ADAMTS3: variants seen among roughly 807,000 people sequenced by gnomAD.
ADAMTS3 encodes the protein ADAM metallopeptidase with thrombospondin type 1 motif 3, also known as A disintegrin and metalloproteinase with thrombospondin motifs 3.
In ADAMTS3, 73 loss-of-function variants were observed where a neutral mutation model predicts 129.0. The observed-to-expected ratio is 0.57, with a 90% CI of 0.47 to 0.69. ADAMTS3 has a LOEUF of 0.69. Ranked by LOEUF, ADAMTS3 falls within the 30% of genes least tolerant of loss-of-function variation. The pLI is 0.00. For missense variants in ADAMTS3, 1,457 were observed against 1,514.5 expected, an observed-to-expected ratio of 0.96 and a Z score of 0.63; for synonymous variants, 477 against 510.8, an observed-to-expected ratio of 0.93 and a Z score of 0.89.
intron 4 of ADAMTS3, among the ~76,000 whole-genome samples, chr4:72,346,139 T>A (rs568298239): frequency 6.6e-6 from 1 of 152,138 alleles, no homozygotes; most frequent in Non-Finnish European, 1.5e-5. Context: ...AATTCTAGCA[T>A]CAAAGCCATG....
intron 3 of ADAMTS3, among the ~76,000 whole-genome samples, chr4:72,429,857 T>G (rs1211348645): frequency 6.6e-6 from 1 of 152,022 alleles, no homozygotes; most frequent in East Asian, 1.9e-4. Context: ...GACCATATCA[T>G]GGTCAACATC....
At chr4:72,300,100 C>T (rs887951108) in intron 17 of ADAMTS3, among the ~76,000 whole-genome samples, 5 of 152,034 alleles carry the variant, frequency 3.3e-5, no homozygotes, top group African/African-American at 1.2e-4. Context: ...GGCTTTTATT[C>T]TCTTTTTTCT....
chr4:72,347,970 C>T (rs1470803732), intron 4 of ADAMTS3, among the ~76,000 whole-genome samples: 1 of 151,942 alleles, frequency 6.6e-6, no homozygotes, highest in East Asian at 1.9e-4. Flanking sequence ...TCAAACTTCT[C>T]CAGAAACTCT....
chr4:72,372,054 A>G (rs187500020), intron 4 of ADAMTS3, among the ~76,000 whole-genome samples: 4 of 152,268 alleles, frequency 2.6e-5, no homozygotes, highest in African/African-American at 7.2e-5. Flanking sequence ...CACAGTGGAA[A>G]TTAGGAAATA....
intron 18 of ADAMTS3, 129 bp from the exon 19 acceptor site, chr4:72,295,915 G>T: frequency 2.6e-6 from 3 of 1,136,012 alleles, no homozygotes; most frequent in Non-Finnish European, 3.7e-6. Flanking sequence ...ATACAAACCG[G>T]CACTTCAATA....
intron 3 of ADAMTS3, among the ~76,000 whole-genome samples, chr4:72,463,294 C>T (rs762351834): frequency 1.3e-5 from 2 of 151,990 alleles, no homozygotes; most frequent in Non-Finnish European, 2.9e-5. Context: ...CCTAACAACA[C>T]ATTTCTCAGA....
At chr4:72,505,610 C>T (rs1460544625) in intron 3 of ADAMTS3, among the ~76,000 whole-genome samples, 1 of 152,174 alleles carries the variant, frequency 6.6e-6, no homozygotes, top group Non-Finnish European at 1.5e-5. Context: ...TACAGGTCCC[C>T]TGATGGCAGG....
chr4:72,553,337 T>C (rs1234225211), intron 2 of ADAMTS3, among the ~76,000 whole-genome samples: 2 of 152,114 alleles, frequency 1.3e-5, no homozygotes, highest in Non-Finnish European at 2.9e-5. Context: ...CTGTAAGACA[T>C]ACACAGAGCC....
intron 3 of ADAMTS3, among the ~76,000 whole-genome samples, chr4:72,514,491 T>A (rs888213464): frequency 6.6e-6 from 1 of 152,172 alleles, no homozygotes; most frequent in Admixed American, 6.5e-5. Flanking sequence ...AGCTGGCTCT[T>A]CTTTTCTGAG....
chr4:72,376,289 C>T (rs1721131836), intron 4 of ADAMTS3, among the ~76,000 whole-genome samples: 2 of 152,182 alleles, frequency 1.3e-5, no homozygotes, highest in South Asian at 4.1e-4. Context: ...TGGCCCATTC[C>T]TCATAGACAC....
At position 72,283,527 on chromosome 4, in the gene ADAMTS3, G is replaced by A. The variant is rs1382973347; in HGVS notation, c.3227C>T (p.Pro1076Leu). 2 of 1,613,936 alleles carry A rather than the reference G, an allele frequency of 1.2e-6. No individual in the cohort carries two copies. The highest frequency in any genetic ancestry group is 2.7e-5 in the African/African-American group (2 of 74,906). ...CACTAGAGATCTAGGGAGGTCACTA[G>A]GGTTAGAGATGACATCATCATGAGT... ...AETHDDVISNPSDLPRSLVMP... is the reference protein window; with the variant it reads ...AETHDDVISNLSDLPRSLVMP... The change falls in exon 22 of 22, where the codon CCT becomes CTT. Residue 1076 changes from proline to leucine, a missense_variant. Transcript: ENST00000286657.
chr4:72,514,868 G>A (rs1436559557), intron 3 of ADAMTS3, among the ~76,000 whole-genome samples: 1 of 151,326 alleles, frequency 6.6e-6, no homozygotes, highest in Non-Finnish European at 1.5e-5. Context: ...AAGTTTTAGG[G>A]TACATGTGCA....
chr4:72,567,304 T>G (rs1722041194), intron 2 of ADAMTS3, 70 bp downstream of exon 2: 2 of 1,454,864 alleles, frequency 1.4e-6, no homozygotes, highest in East Asian at 2.3e-5. Context: ...AGAAACAATA[T>G]TTTGCTTAGC....
At chr4:72,497,301 G>A (rs1040324269) in intron 3 of ADAMTS3, among the ~76,000 whole-genome samples, 21 of 151,850 alleles carry the variant, frequency 1.4e-4, no homozygotes, top group Admixed American at 9.2e-4. Flanking sequence ...ATTTTATATC[G>A]TGATCAAAAA....
intron 21 of ADAMTS3, among the ~76,000 whole-genome samples, chr4:72,284,381 C>T (rs1262589897): frequency 6.6e-6 from 1 of 150,514 alleles, no homozygotes; most frequent in African/African-American, 2.4e-5. Flanking sequence ...GGAGGTGGAG[C>T]TTGCAGTGAG....
At chr4:72,445,850 A>G (rs1470391025) in intron 3 of ADAMTS3, among the ~76,000 whole-genome samples, 1 of 151,886 alleles carries the variant, frequency 6.6e-6, no homozygotes, top group South Asian at 2.1e-4. Flanking sequence ...TATCAGTTAA[A>G]TATAATAATT....
At chr4:72,350,837 T>C (rs1720414823) in intron 4 of ADAMTS3, among the ~76,000 whole-genome samples, 1 of 152,002 alleles carries the variant, frequency 6.6e-6, no homozygotes, top group African/African-American at 2.4e-5. Flanking sequence ...TTCATGTAGT[T>C]TCCTCACATA....
At chr4:72,558,510 G>A (rs946800568) in intron 2 of ADAMTS3, among the ~76,000 whole-genome samples, 2 of 151,634 alleles carry the variant, frequency 1.3e-5, no homozygotes, top group African/African-American at 4.9e-5. Context: ...GCTATTTTAA[G>A]GTCATTTGAT....
intron 3 of ADAMTS3, among the ~76,000 whole-genome samples, chr4:72,474,945 T>G (rs1187088969): frequency 6.7e-6 from 1 of 149,686 alleles, no homozygotes; most frequent in Non-Finnish European, 1.5e-5. Context: ...GAGAATGGCG[T>G]GAACCCGGGA....
Sources: allele counts gnomAD v4.1 joint callset (sites outside exome capture counted in the v4.1 genomes callset), GRCh38; gene constraint gnomAD v4.1.1; transcripts MANE v1.5; gene names NCBI Gene and HGNC (gene_info 2026-07-23, HGNC 2026-07-21).